Variants in RBMS3 observed in about 807,000 individuals in gnomAD.
RBMS3 encodes the protein RNA binding motif single stranded interacting protein 3.
RBMS3 carries 27 observed loss-of-function variants against 66.8 expected under a neutral mutation model. The observed-to-expected ratio is 0.40, with a 90% CI of 0.30 to 0.56. The LOEUF is 0.56. Ranked by LOEUF, RBMS3 falls within the 20% of genes least tolerant of loss-of-function variation. The pLI is 0.40. For missense variants in RBMS3, 513 were observed against 549.5 expected, an observed-to-expected ratio of 0.93 and a Z score of 0.66; for synonymous variants, 188 against 183.0, an observed-to-expected ratio of 1.03 and a Z score of -0.22.
intron 6 of RBMS3, among the ~76,000 whole-genome samples, chr3:29,820,824 C>T (rs1166844681): frequency 6.6e-6 from 1 of 152,084 alleles, no homozygotes; most frequent in African/African-American, 2.4e-5. Context: ...TGCCTAAAAC[C>T]CAGCTACTCC....
At chr3:29,733,493 C>T (rs904650314) in intron 4 of RBMS3, among the ~76,000 whole-genome samples, 9 of 151,714 alleles carry the variant, frequency 5.9e-5, no homozygotes, top group South Asian at 2.1e-4. Flanking sequence ...AAAGTGTATA[C>T]GAGTTCCCTT....
At chr3:29,651,611 GA>G (rs1285155328) in intron 4 of RBMS3, among the ~76,000 whole-genome samples, 1 of 152,140 alleles carries the variant, frequency 6.6e-6, no homozygotes, top group East Asian at 1.9e-4. Context: ...GTTTTTTATT[GA>G]AAGTTGGTTA....
intron 4 of RBMS3, among the ~76,000 whole-genome samples, chr3:29,673,468 T>C (rs567427481): frequency 2.0e-5 from 3 of 151,546 alleles, no homozygotes; most frequent in South Asian, 2.1e-4. Flanking sequence ...AGCTGGTTTT[T>C]TTTTTTTTAA....
At chr3:29,582,592 G>A (rs2047372149) in intron 3 of RBMS3, among the ~76,000 whole-genome samples, 1 of 152,198 alleles carries the variant, frequency 6.6e-6, no homozygotes, top group African/African-American at 2.4e-5. Flanking sequence ...CCAGTGTTGT[G>A]TTGAGGATTT....
intron 2 of RBMS3, among the ~76,000 whole-genome samples, chr3:29,461,920 A>ATTTTTTTTTTTTTTTT (rs61115023): frequency 7.5e-5 from 7 of 93,296 alleles, no homozygotes; most frequent in African/African-American, 2.5e-4. Flanking sequence ...TGCCCGGCTA[A>ATTTTTTTTTTTTTTTT]TTTTTTTTTT....
intron 7 of RBMS3, among the ~76,000 whole-genome samples, chr3:29,883,014 C>T (rs2059772634): frequency 6.6e-6 from 1 of 151,820 alleles, no homozygotes; most frequent in Admixed American, 6.6e-5. Flanking sequence ...ACTATCAAAG[C>T]CAGGACATTG....
intron 6 of RBMS3, among the ~76,000 whole-genome samples, chr3:29,780,838 T>C (rs2056605913): frequency 5.3e-5 from 8 of 152,210 alleles, no homozygotes; most frequent in Admixed American, 5.2e-4. Context: ...GATTTTTTAT[T>C]GTTTAGCTGT....
At chr3:29,434,407 T>A (rs2125724225) in intron 1 of RBMS3, among the ~76,000 whole-genome samples, 1 of 152,272 alleles carries the variant, frequency 6.6e-6, no homozygotes, top group South Asian at 2.1e-4. Flanking sequence ...CAAAAGTGAC[T>A]GTTTTATTTT....
chr3:29,870,526 T>A (rs1332661198), intron 7 of RBMS3, among the ~76,000 whole-genome samples: 1 of 152,126 alleles, frequency 6.6e-6, no homozygotes, highest in Non-Finnish European at 1.5e-5. Context: ...AGACACTTCC[T>A]CTCACTGTAC....
At chr3:29,912,077 T>A (rs188807915) in intron 10 of RBMS3, among the ~76,000 whole-genome samples, 1 of 151,978 alleles carries the variant, frequency 6.6e-6, no homozygotes, top group South Asian at 2.1e-4. Flanking sequence ...GGGATGCGGA[T>A]GGATGAATGG....
chr3:29,418,266 A>G (rs760694452), intron 1 of RBMS3, among the ~76,000 whole-genome samples: 1 of 152,148 alleles, frequency 6.6e-6, no homozygotes, highest in Admixed American at 6.5e-5. Flanking sequence ...TAAGTGCAGA[A>G]TATACTTCTT....
In RBMS3 at chr3:29,897,917, G is replaced by A. The variant is rs569416568; in HGVS notation, c.888+442G>A. Among the ~76,000 whole-genome samples the A allele has an allele frequency of 4.6e-5, 7 of 151,730 alleles. No individual in the cohort carries two copies. The South Asian group carries it at 1.4e-3, about 31-fold the overall frequency. The stretch of plus-strand genomic sequence containing the variant: ...TCCTGGTAAAGCTACACAGATAGAT[G>A]TTAAATCATACTTCCCAAGAAACAG... On this transcript the variant is annotated intron_variant, in intron 9 of 14. Coordinates refer to ENST00000383767, the MANE Select transcript of RBMS3 (RefSeq NM_001003793.3).
At chr3:30,001,227 A>G (rs1699595684) in intron 14 of RBMS3, among the ~76,000 whole-genome samples, 1 of 151,896 alleles carries the variant, frequency 6.6e-6, no homozygotes, top group African/African-American at 2.4e-5. Flanking sequence ...ATACTGTGAC[A>G]TTTTTCCACA....
At chr3:30,000,325 A>G (rs1699531809) in intron 14 of RBMS3, among the ~76,000 whole-genome samples, 1 of 152,162 alleles carries the variant, frequency 6.6e-6, no homozygotes, top group Non-Finnish European at 1.5e-5. Flanking sequence ...AATGCAAATC[A>G]AAACCACAAT....
At chr3:29,657,970 A>G (rs569538810) in intron 4 of RBMS3, among the ~76,000 whole-genome samples, 2 of 152,322 alleles carry the variant, frequency 1.3e-5, no homozygotes, top group South Asian at 4.1e-4. Flanking sequence ...AAATAAATGA[A>G]CAAAAATATC....
At chr3:29,658,115 C>T (rs937407731) in intron 4 of RBMS3, among the ~76,000 whole-genome samples, 1 of 152,096 alleles carries the variant, frequency 6.6e-6, no homozygotes, top group African/African-American at 2.4e-5. Context: ...AACTTATTTT[C>T]CTGTTTTGTA....
intron 1 of RBMS3, among the ~76,000 whole-genome samples, chr3:29,321,219 G>A (rs2034991352): frequency 6.6e-6 from 1 of 151,828 alleles, no homozygotes; most frequent in Non-Finnish European, 1.5e-5. Context: ...TGATATATTA[G>A]TCCCTTTCAT....
intron 3 of RBMS3, among the ~76,000 whole-genome samples, chr3:29,532,750 T>C (rs1224995681): frequency 6.6e-6 from 1 of 152,008 alleles, no homozygotes; most frequent in Non-Finnish European, 1.5e-5. Context: ...ACAAGAATAA[T>C]TGTGAGACCT....
At chr3:29,440,884 C>T (rs977643080) in intron 2 of RBMS3, among the ~76,000 whole-genome samples, 1 of 152,272 alleles carries the variant, frequency 6.6e-6, no homozygotes, top group African/African-American at 2.4e-5. Flanking sequence ...TAAAAGTAAC[C>T]TTGTCACAAT....
Sources: gnomAD v4.1 joint callset for allele counts (sites outside exome capture counted in the v4.1 genomes callset) on GRCh38, gnomAD v4.1.1 for gene constraint, MANE v1.5 for transcripts, NCBI Gene and HGNC (gene_info 2026-07-23, HGNC 2026-07-21) for gene names.